The following TMEM178B variants were observed in gnomAD, a reference collection of about 807,000 sequenced individuals.
TMEM178B encodes the protein transmembrane protein 178B.
In TMEM178B, 5 loss-of-function variants were observed where a neutral mutation model predicts 31.0. That is an observed-to-expected ratio of 0.16 (90% confidence interval 0.08 to 0.34). TMEM178B has a LOEUF of 0.34. TMEM178B is among the 10% of genes least tolerant of loss of function. The pLI, the probability that TMEM178B is intolerant of heterozygous loss-of-function variation, is 1.00. For missense variants in TMEM178B, 275 were observed against 400.3 expected, an observed-to-expected ratio of 0.69 and a Z score of 2.67; for synonymous variants, 164 against 164.0, an observed-to-expected ratio of 1.00 and a Z score of 0.00.
At chr7:141,162,292 C>G (rs376190112) in intron 1 of TMEM178B, among the ~76,000 whole-genome samples, 14 of 152,236 alleles carry the variant, frequency 9.2e-5, no homozygotes, top group African/African-American at 3.1e-4. Flanking sequence ...TCATGTTTTA[C>G]ATCCCTCAGC....
rs144214687 is a variant in TMEM178B, at chr7:141,365,370, G to C, written c.497-72238G>C. The stretch of plus-strand genomic sequence containing the variant: ...GGGACGCTTCTGACTTGATGCCCTC[G>C]CAGTGTGCTGTGAGATGGTGGCCAC... On this transcript the variant is annotated intron_variant, in intron 2 of 3. Transcript: ENST00000565468. 1.2e-3 allele frequency among the ~76,000 whole-genome samples: 185 copies of C among 152,314 alleles called. 1 individual carries two copies. The highest frequency in any genetic ancestry group is 4.4e-3 in the African/African-American group (181 of 41,566).
chr7:141,165,225 G>A (rs1323206756), intron 1 of TMEM178B, among the ~76,000 whole-genome samples: 1 of 151,880 alleles, frequency 6.6e-6, no homozygotes, highest in African/African-American at 2.4e-5. Flanking sequence ...TGGATCCCAC[G>A]TTGCATGTAA....
At chr7:141,392,717 A>G (rs1431070264) in intron 2 of TMEM178B, among the ~76,000 whole-genome samples, 1 of 152,018 alleles carries the variant, frequency 6.6e-6, no homozygotes, top group African/African-American at 2.4e-5. Context: ...GACTCTATCC[A>G]GTAGCTAAAA....
chr7:141,373,094 A>T (rs1260610361), intron 2 of TMEM178B, among the ~76,000 whole-genome samples: 3 of 152,184 alleles, frequency 2.0e-5, no homozygotes. Flanking sequence ...TTTATATAAA[A>T]ATAGAGTTAA....
Position 141,479,180 on chromosome 7 carries a change from A to G in TMEM178B, c.*8394A>G, listed in dbSNP as rs938359490. The G allele has an allele frequency of 1.3e-5, 2 of 152,276 alleles. No individual in the cohort carries two copies. The highest frequency in any genetic ancestry group is 4.8e-5 in the African/African-American group (2 of 41,458). 9.4% of individuals were successfully genotyped at this position (152,276 alleles called of 1,614,324 possible). ...CCTTAACCTGATCCCCTTATCATAT[A>G]GTGGGGAAGGGGCAGGCAGGCCTTC... On this transcript the variant is annotated 3_prime_UTR_variant, in exon 4 of 4. Coordinates refer to ENST00000565468, the MANE Select transcript of TMEM178B (RefSeq NM_001195278.2).
At chr7:141,369,396 T>C (rs1800072013) in intron 2 of TMEM178B, among the ~76,000 whole-genome samples, 1 of 151,452 alleles carries the variant, frequency 6.6e-6, no homozygotes, top group South Asian at 2.1e-4. Context: ...AGAAAATAAA[T>C]ATCACCATAG....
intron 2 of TMEM178B, among the ~76,000 whole-genome samples, chr7:141,407,459 A>G (rs80056085): frequency 6.6e-6 from 1 of 152,376 alleles, no homozygotes; most frequent in South Asian, 2.1e-4. Flanking sequence ...AAATAGCACC[A>G]TGAATAATAG....
intron 2 of TMEM178B, among the ~76,000 whole-genome samples, chr7:141,243,682 G>A (rs909916464): frequency 4.6e-5 from 7 of 152,106 alleles, no homozygotes; most frequent in South Asian, 2.1e-4. Flanking sequence ...CTGGCCCATG[G>A]GCCCAGATCT....
At chr7:141,500,984 A>AAT in the TMEM178B span, among the ~76,000 whole-genome samples, 1 of 152,208 alleles carries the variant, frequency 6.6e-6, no homozygotes, top group African/African-American at 2.4e-5. Context: ...CAGCAAGATA[A>AAT]ATATATATGT....
intron 1 of TMEM178B, among the ~76,000 whole-genome samples, chr7:141,123,155 G>A (rs1359774953): frequency 6.6e-6 from 1 of 152,208 alleles, no homozygotes; most frequent in African/African-American, 2.4e-5. Context: ...TCTTGATGCT[G>A]TATCAAGGAT....
intron 3 of TMEM178B, among the ~76,000 whole-genome samples, chr7:141,442,736 C>T (rs1801684876): frequency 6.6e-6 from 1 of 152,204 alleles, no homozygotes; most frequent in Non-Finnish European, 1.5e-5. Flanking sequence ...CAGTTTCATG[C>T]AGCCACCTAG....
chr7:141,135,488 C>G (rs1795661267), intron 1 of TMEM178B, among the ~76,000 whole-genome samples: 1 of 152,132 alleles, frequency 6.6e-6, no homozygotes, highest in Non-Finnish European at 1.5e-5. Flanking sequence ...GGCCACAAAC[C>G]AAGTCTCAAT....
chr7:141,293,690 A>G (rs1798584758), intron 2 of TMEM178B, among the ~76,000 whole-genome samples: 1 of 152,198 alleles, frequency 6.6e-6, no homozygotes. Flanking sequence ...CATGATGAAC[A>G]ACAGAGGTTC....
intron 2 of TMEM178B, among the ~76,000 whole-genome samples, chr7:141,231,452 A>G (rs1411956369): frequency 6.6e-6 from 1 of 152,234 alleles, no homozygotes; most frequent in Non-Finnish European, 1.5e-5. Context: ...CTCAGTATGT[A>G]ACCTGAAAAA....
intron 2 of TMEM178B, among the ~76,000 whole-genome samples, chr7:141,356,713 C>G (rs1799826326): frequency 6.6e-6 from 1 of 151,168 alleles, no homozygotes; most frequent in African/African-American, 2.4e-5. Flanking sequence ...CACTCAGCAA[C>G]TTGGACAGCT....
chr7:141,324,125 C>A (rs1022179235), intron 2 of TMEM178B, among the ~76,000 whole-genome samples: 3 of 152,094 alleles, frequency 2.0e-5, no homozygotes, highest in African/African-American at 7.2e-5. Flanking sequence ...AGGGGGGAAG[C>A]AGATCATTTA....
chr7:141,172,729 T>A (rs1796368156), intron 1 of TMEM178B, among the ~76,000 whole-genome samples: 1 of 152,206 alleles, frequency 6.6e-6, no homozygotes, highest in Non-Finnish European at 1.5e-5. Flanking sequence ...GAACAATTAG[T>A]GATTATGAGA....
intron 3 of TMEM178B, among the ~76,000 whole-genome samples, chr7:141,450,046 C>T (rs1457495449): frequency 1.3e-5 from 2 of 152,184 alleles, no homozygotes; most frequent in Non-Finnish European, 2.9e-5. Context: ...CTCACCATGT[C>T]TGAAATAATT....
At chr7:141,284,205 G>C (rs948755183) in intron 2 of TMEM178B, among the ~76,000 whole-genome samples, 2 of 152,158 alleles carry the variant, frequency 1.3e-5, no homozygotes, top group African/African-American at 4.8e-5. Flanking sequence ...CACGCGATTC[G>C]GGAGTTGAGC....
Sources: allele counts gnomAD v4.1 joint callset (sites outside exome capture counted in the v4.1 genomes callset), GRCh38; gene constraint gnomAD v4.1.1; transcripts MANE v1.5; gene names NCBI Gene and HGNC (gene_info 2026-07-23, HGNC 2026-07-21).